Variants in SACM1L observed in about 807,000 individuals in gnomAD.
The protein encoded by SACM1L is SAC1 like phosphatidylinositide phosphatase.
SACM1L carries 32 observed loss-of-function variants against 89.5 expected under a neutral mutation model. The ratio of observed to expected loss-of-function variants is 0.36; its 90% CI spans 0.27 to 0.48. The LOEUF (loss-of-function observed/expected upper bound fraction) is 0.48. SACM1L is among the 20% of genes least tolerant of loss of function. The probability of loss-of-function intolerance (pLI) is 0.99; values close to 1 mark genes in which losing one functional copy is unlikely to be tolerated. For missense variants in SACM1L, 543 were observed against 708.5 expected (o/e 0.77, Z 2.65); for synonymous variants, 213 against 232.8 (o/e 0.92, Z 0.77).
rs146107594 is a variant in SACM1L at position 45,704,353 on chromosome 3, G to A, written c.131-782G>A. ...AAAATATATTCCATGAGATAATGGG[G>A]TGTAAGACAAGTATGGCTATAAAAT... On this transcript the variant is annotated intron_variant, in intron 2 of 19. Coordinates refer to ENST00000389061, the MANE Select transcript of SACM1L (RefSeq NM_014016.5). Among the ~76,000 whole-genome samples, 645 of 152,294 alleles carry A rather than the reference G, an allele frequency of 4.2e-3. 7 individuals carry two copies. The highest frequency in any genetic ancestry group is 0.015 in the African/African-American group (603 of 41,558).
intron 13 of SACM1L, among the ~76,000 whole-genome samples, chr3:45,732,993 T>C (rs1327098737): frequency 6.6e-6 from 1 of 152,268 alleles, no homozygotes; most frequent in Non-Finnish European, 1.5e-5. Context: ...TATTTAAATC[T>C]GCTTTTTTTC....
chr3:45,706,130 A>T (rs143564480), intron 3 of SACM1L, among the ~76,000 whole-genome samples: 39 of 152,294 alleles, frequency 2.6e-4, no homozygotes, highest in East Asian at 7.7e-4. Context: ...CAGAGGGGGA[A>T]CTTGTGGGTA....
At chr3:45,707,042 C>G in intron 4 of SACM1L, 135 bp downstream of exon 4, 3 of 664,290 alleles carry the variant, frequency 4.5e-6, no homozygotes, top group Non-Finnish European at 7.1e-6. Context: ...ATCACTCTAC[C>G]TACTTTTCTA....
At chr3:45,727,562 T>G (rs1340970917) in intron 11 of SACM1L, among the ~76,000 whole-genome samples, 3 of 152,204 alleles carry the variant, frequency 2.0e-5, no homozygotes, top group Admixed American at 6.5e-5. Flanking sequence ...CATCTCTGTC[T>G]GATTGTTCTG....
chr3:45,739,936 A>C, intron 19 of SACM1L: 6 of 426,942 alleles, frequency 1.4e-5, no homozygotes, highest in Non-Finnish European at 8.5e-6. Context: ...TAATTTGCCA[A>C]GGTTGAGGAC....
intron 19 of SACM1L, 106 bp downstream of exon 19, chr3:45,739,750 T>G: frequency 9.8e-7 from 1 of 1,024,616 alleles, no homozygotes; most frequent in Non-Finnish European, 1.5e-6. Flanking sequence ...CCTATTAAAT[T>G]TAATGGGTAA....
chr3:45,733,518 C>T (rs1294412223), intron 13 of SACM1L, among the ~76,000 whole-genome samples: 2 of 152,146 alleles, frequency 1.3e-5, no homozygotes, highest in African/African-American at 4.8e-5. Context: ...TGTACACCAA[C>T]TCTAAACGAA....
chr3:45,725,620 A>G (rs1046187183), intron 11 of SACM1L, among the ~76,000 whole-genome samples: 3 of 150,162 alleles, frequency 2.0e-5, no homozygotes, highest in Non-Finnish European at 4.4e-5. Flanking sequence ...AGGGTTTTCT[A>G]TATATAAGAT....
intron 11 of SACM1L, among the ~76,000 whole-genome samples, chr3:45,727,400 A>G (rs1488716391): frequency 1.3e-5 from 2 of 152,126 alleles, no homozygotes; most frequent in Non-Finnish European, 2.9e-5. Flanking sequence ...ATTTTTAAAA[A>G]TGTGTTAAAA....
At chr3:45,698,552 T>C (rs1019968609) in intron 1 of SACM1L, among the ~76,000 whole-genome samples, 2 of 152,206 alleles carry the variant, frequency 1.3e-5, no homozygotes, top group African/African-American at 4.8e-5. Flanking sequence ...TACTTTGTTA[T>C]AATACTTTTT....
chr3:45,704,905 A>G (rs560975580), intron 2 of SACM1L, among the ~76,000 whole-genome samples: 1 of 152,308 alleles, frequency 6.6e-6, no homozygotes, highest in East Asian at 1.9e-4. Context: ...TCTTCCATGA[A>G]AAAACCTAAC....
chr3:45,740,494 AG>A (rs1378817260), intron 19 of SACM1L, among the ~76,000 whole-genome samples: 1 of 152,204 alleles, frequency 6.6e-6, no homozygotes, highest in Non-Finnish European at 1.5e-5. Flanking sequence ...TAGGAACAAA[AG>A]GAGGGTAGTT....
In SACM1L at chr3:45,722,048, T is replaced by C; in HGVS notation, c.728T>C (p.Ile243Thr). 1 of 1,612,958 alleles carries C rather than the reference T, an allele frequency of 6.2e-7. No homozygotes were observed. The highest frequency in any genetic ancestry group is 1.1e-5 in the South Asian group (1 of 90,830). ...HAANFVETEQ[I>T]VHYNGSKASF... ...GCTAACTTTGTAGAAACAGAACAAA[T>C]TGTGCACTACAATGGGAGCAAAGCT... Residue 243 changes from isoleucine (I) to threonine (T), a missense_variant, in exon 9 of 20, where the codon ATT (isoleucine) becomes ACT (threonine). Ile to Thr is a moderately conservative substitution (Grantham distance 89, BLOSUM62 -1). Around this residue, in one of 2 missense-constraint regions of SACM1L, gnomAD observed 370 missense variants for 527.6 expected, o/e 0.70. Transcript: ENST00000389061.
chr3:45,731,956 A>G (rs1242613715), intron 12 of SACM1L, 97 bp from the exon 13 acceptor site: 2 of 708,176 alleles, frequency 2.8e-6, no homozygotes, highest in Non-Finnish European at 4.8e-6. Flanking sequence ...ATATGTATGC[A>G]CTGATATAAA....
At chr3:45,693,935 T>C (rs1698062801) in intron 1 of SACM1L, among the ~76,000 whole-genome samples, 1 of 152,196 alleles carries the variant, frequency 6.6e-6, no homozygotes, top group Non-Finnish European at 1.5e-5. Context: ...AAATTTGAAA[T>C]TGCAAAATAA....
At chr3:45,717,909 C>T (rs1379708900) in intron 7 of SACM1L, among the ~76,000 whole-genome samples, 1 of 152,160 alleles carries the variant, frequency 6.6e-6, no homozygotes, top group African/African-American at 2.4e-5. Flanking sequence ...AAGCAAGAGC[C>T]TCTCTCTCAA....
rs541140877 is a variant in SACM1L, at chr3:45,700,753, A to G, written c.33-2685A>G. On this transcript the variant is annotated intron_variant, in intron 1 of 19. Transcript: ENST00000389061. ...CTCACTGCACTCTGAACTCACTGCA[A>G]CCTCTGCCTCCTGAGCTTAAGCGAT... Among the ~76,000 whole-genome samples, 24 of 152,202 alleles carry G rather than the reference A, an allele frequency of 1.6e-4. No homozygotes were observed. The East Asian group carries it at 4.2e-3, about 27-fold the overall frequency.
chr3:45,745,026 T>A lies in SACM1L; in HGVS notation c.*1357T>A, dbSNP rs1699396228. 6.6e-6 allele frequency: 1 copy of A among 152,230 alleles called. No individual in the cohort carries two copies. Among genetic ancestry groups the A allele is most frequent in the African/African-American group, 2.4e-5 (1 of 41,462 alleles). 9.4% of individuals were successfully genotyped at this position (152,230 alleles called of 1,614,324 possible). ...AAACATTAATATAAGTCGTTACTTTTAGAAACTAAAGGAAATAATAGCTGG... is the reference window on the plus strand; with the variant it reads ...AAACATTAATATAAGTCGTTACTTTAAGAAACTAAAGGAAATAATAGCTGG... On this transcript the variant is annotated 3_prime_UTR_variant, in exon 20 of 20. Transcript: ENST00000389061.
intron 14 of SACM1L, chr3:45,737,282 C>A (rs1247247749): frequency 3.0e-6 from 1 of 330,332 alleles, no homozygotes; most frequent in East Asian, 5.9e-5. Flanking sequence ...GAAGTAGCGG[C>A]TGGAATCCTA....
Sources: allele counts gnomAD v4.1 joint callset (sites outside exome capture counted in the v4.1 genomes callset), GRCh38; gene constraint gnomAD v4.1.1; regional missense constraint gnomAD v4.1.1; transcripts MANE v1.5; gene names NCBI Gene and HGNC (gene_info 2026-07-23, HGNC 2026-07-21).